Variants in RAB12 observed in about 807,000 individuals in gnomAD.
The protein encoded by RAB12 is RAB12, member RAS oncogene family, also known as ras-related protein Rab-12.
RAB12 carries 11 observed loss-of-function variants against 28.4 expected under a neutral mutation model. The ratio of observed to expected loss-of-function variants is 0.39; its 90% CI spans 0.24 to 0.64. The LOEUF (loss-of-function observed/expected upper bound fraction) is 0.64, where lower values mean the gene tolerates loss of function less well. Among genes scored for constraint, RAB12 ranks in the 30% least tolerant of loss-of-function variants. The pLI is 0.50. For synonymous variants in RAB12, 138 were observed against 145.3 expected (o/e 0.95, Z 0.36); for missense variants, 276 against 351.1 (o/e 0.79, Z 1.71).
chr18:8,615,658 G>A (rs2096006341), intron 1 of RAB12, among the ~76,000 whole-genome samples: 1 of 152,198 alleles, frequency 6.6e-6, no homozygotes, highest in Non-Finnish European at 1.5e-5. Context: ...TGTGTGTTGT[G>A]TGATTAGGTT....
chr18:8,610,786 G>T (rs997952957), intron 1 of RAB12, among the ~76,000 whole-genome samples: 1 of 152,166 alleles, frequency 6.6e-6, no homozygotes, highest in African/African-American at 2.4e-5. Flanking sequence ...GGAGAACCCC[G>T]TTCTTTAAAA....
In RAB12 at chr18:8,638,277, G is replaced by A; in HGVS notation, c.*15G>A. 6.4e-7 allele frequency: 1 copy of A among 1,550,818 alleles called. No homozygotes were observed. Among genetic ancestry groups the A allele is most frequent in the South Asian group, 1.1e-5 (1 of 89,546 alleles). On this transcript the variant is annotated 3_prime_UTR_variant, in exon 6 of 6. Coordinates refer to ENST00000649141, the MANE Select transcript of RAB12 (RefSeq NM_001025300.3). Reference sequence around the variant, plus strand: ...GATGCTGTTGATTTCCTACTTTGGAGACAAAGTGGAAATGATTCCTGGAAA... The same window carrying A: ...GATGCTGTTGATTTCCTACTTTGGAAACAAAGTGGAAATGATTCCTGGAAA...
In RAB12 at chr18:8,639,148, T is replaced by C. The variant is rs1011424638; in HGVS notation, c.*886T>C. Reference sequence around the variant, plus strand: ...TTCTGATTAAGCCTAGACTGTGTTCTTTTTTTTTTTTTTTTTTTTTTTTTT... The same window carrying C: ...TTCTGATTAAGCCTAGACTGTGTTCCTTTTTTTTTTTTTTTTTTTTTTTTT... On this transcript the variant is annotated 3_prime_UTR_variant, in exon 6 of 6. Transcript: ENST00000649141. The C allele has an allele frequency of 3.5e-5, 2 of 57,518 alleles. No individual in the cohort carries two copies. Among genetic ancestry groups the C allele is most frequent in the African/African-American group, 9.8e-5 (1 of 10,234 alleles). 3.6% of individuals were successfully genotyped at this position (57,518 alleles called of 1,614,324 possible).
intron 1 of RAB12, among the ~76,000 whole-genome samples, chr18:8,618,430 G>A (rs1447754138): frequency 3.9e-5 from 6 of 151,980 alleles, no homozygotes; most frequent in Non-Finnish European, 8.8e-5. Context: ...ACACAGGTTA[G>A]ATAGGAAAAG....
intron 1 of RAB12, among the ~76,000 whole-genome samples, chr18:8,615,510 C>G (rs545446089): frequency 7.2e-5 from 11 of 152,336 alleles, no homozygotes; most frequent in Non-Finnish European, 1.3e-4. Context: ...AAAGCCCAAG[C>G]TCTGCAGCCC....
At chr18:8,634,530 A>C (rs192885360) in intron 3 of RAB12, among the ~76,000 whole-genome samples, 20 of 152,330 alleles carry the variant, frequency 1.3e-4, no homozygotes, top group African/African-American at 4.6e-4. Context: ...AATAGGATGA[A>C]TACAAAACCA....
chr18:8,633,753 C>G (rs1214184535), intron 3 of RAB12, among the ~76,000 whole-genome samples: 1 of 152,206 alleles, frequency 6.6e-6, no homozygotes, highest in East Asian at 1.9e-4. Flanking sequence ...CACTGGACAT[C>G]TGTCCTCGCA....
chr18:8,616,852 C>T (rs1450035427), intron 1 of RAB12, among the ~76,000 whole-genome samples: 5 of 152,068 alleles, frequency 3.3e-5, no homozygotes, highest in Non-Finnish European at 5.9e-5. Flanking sequence ...TCACTTGAGC[C>T]AGGGAGATCT....
At chr18:8,621,803 G>T (rs1219580216) in intron 1 of RAB12, among the ~76,000 whole-genome samples, 1 of 120,016 alleles carries the variant, frequency 8.3e-6, no homozygotes, top group Non-Finnish European at 2.0e-5. Flanking sequence ...CCCAGTGTCT[G>T]TTCCCTTCTT....
intron 3 of RAB12, 179 bp from the exon 4 acceptor site, chr18:8,635,354 C>T (rs2096018268): frequency 4.0e-6 from 2 of 504,856 alleles, no homozygotes; most frequent in Non-Finnish European, 3.5e-6. Flanking sequence ...TTCTAAGACA[C>T]AGTGAGCCCT....
chr18:8,617,927 A>C (rs867908619), intron 1 of RAB12, among the ~76,000 whole-genome samples: 5 of 152,248 alleles, frequency 3.3e-5, no homozygotes, highest in Non-Finnish European at 7.3e-5. Context: ...GTTAATGTAG[A>C]TAAGGCCCTT....
intron 1 of RAB12, among the ~76,000 whole-genome samples, chr18:8,615,723 G>A (rs1049775927): frequency 1.3e-5 from 2 of 152,228 alleles, no homozygotes; most frequent in Non-Finnish European, 2.9e-5. Flanking sequence ...CCCTTTTGTG[G>A]ACTGAAGTAG....
intron 2 of RAB12, among the ~76,000 whole-genome samples, chr18:8,629,833 T>C (rs1400197074): frequency 6.6e-6 from 1 of 152,158 alleles, no homozygotes; most frequent in Admixed American, 6.5e-5. Flanking sequence ...CTCCCTGCTG[T>C]GTGGTGAGAG....
intron 1 of RAB12, among the ~76,000 whole-genome samples, chr18:8,622,761 C>T (rs1421374336): frequency 1.3e-5 from 2 of 152,200 alleles, no homozygotes; most frequent in Non-Finnish European, 2.9e-5. Context: ...CTACGGGAGA[C>T]TGGGGTCTAT....
At chr18:8,621,793 C>T (rs2096010022) in intron 1 of RAB12, among the ~76,000 whole-genome samples, 1 of 138,272 alleles carries the variant, frequency 7.2e-6, no homozygotes, top group African/African-American at 2.5e-5. Flanking sequence ...TCAGGTAGGC[C>T]CCAGTGTCTG....
intron 2 of RAB12, among the ~76,000 whole-genome samples, chr18:8,626,457 A>G (rs2096012709): frequency 6.6e-6 from 1 of 152,200 alleles, no homozygotes; most frequent in South Asian, 2.1e-4. Context: ...ACATGTCTTA[A>G]TTAATGCATT....
intron 1 of RAB12, among the ~76,000 whole-genome samples, chr18:8,615,207 T>C (rs1407649033): frequency 6.6e-6 from 1 of 152,102 alleles, no homozygotes; most frequent in Non-Finnish European, 1.5e-5. Context: ...GTGAATCCCT[T>C]GCAGAAATGC....
At chr18:8,610,113 A>C in intron 1 of RAB12, 160 bp downstream of exon 1, 1 of 562,142 alleles carries the variant, frequency 1.8e-6, no homozygotes, top group South Asian at 2.2e-5. Context: ...CTGCATCCCA[A>C]TCCCAAAGCC....
intron 5 of RAB12, among the ~76,000 whole-genome samples, chr18:8,637,278 T>TA (rs11375791): frequency 0.38 from 55,009 of 144,008 alleles, 12,123 homozygotes; most frequent in African/African-American, 0.63. Flanking sequence ...TGTCTCTATT[T>TA]AAAAAAAAAA....
Sources: gnomAD v4.1 joint callset for allele counts (sites outside exome capture counted in the v4.1 genomes callset) on GRCh38, gnomAD v4.1.1 for gene constraint, MANE v1.5 for transcripts, NCBI Gene and HGNC (gene_info 2026-07-23, HGNC 2026-07-21) for gene names.